Variants in ARIH1 observed in about 807,000 individuals in gnomAD.
The protein encoded by ARIH1 is ariadne RBR E3 ubiquitin protein ligase 1.
A neutral mutation model predicts 85.0 loss-of-function variants in ARIH1; 8 were observed. The observed-to-expected ratio is 0.09, with a 90% confidence interval of 0.06 to 0.17. The LOEUF is 0.17. ARIH1 is among the 10% of genes least tolerant of loss of function. The probability of loss-of-function intolerance (pLI) is 1.00; values close to 1 mark genes in which losing one functional copy is unlikely to be tolerated. For synonymous variants in ARIH1, 238 were observed against 253.6 expected (o/e 0.94, Z 0.59); for missense variants, 311 against 718.1 (o/e 0.43, Z 6.48).
chr15:72,480,381 CCT>C (rs773841026), intron 1 of ARIH1, among the ~76,000 whole-genome samples: 1 of 151,756 alleles, frequency 6.6e-6, no homozygotes, highest in South Asian at 2.1e-4. Flanking sequence ...CCTGCTTCAG[CCT>C]CTCAAGTAAC....
At chr15:72,486,694 C>CTT (rs34770375) in intron 1 of ARIH1, among the ~76,000 whole-genome samples, 4,866 of 92,848 alleles carry the variant, frequency 0.052, 665 homozygotes, top group Non-Finnish European at 0.071. Context: ...TTAAAAATGA[C>CTT]TTTTTTTTTT....
In ARIH1 at chr15:72,590,983, GGAGGCT is replaced by G. The variant is rs1567365009; in HGVS notation, c.*7697_*7702del. 1 of 152,130 alleles carries G rather than the reference GGAGGCT, an allele frequency of 6.6e-6. No homozygotes were observed. Among genetic ancestry groups the G allele is most frequent in the Non-Finnish European group, 1.5e-5 (1 of 68,074 alleles). The allele number at this position is 152,130 out of a possible 1,614,324, so 9.4% of individuals were successfully genotyped here. A position where few individuals can be genotyped will look rare whatever the true frequency, so the allele number is the denominator to read the frequency against. On this transcript the variant is annotated 3_prime_UTR_variant, in exon 14 of 14. Coordinates refer to ENST00000379887, the MANE Select transcript of ARIH1 (RefSeq NM_005744.5). ...TACACCTTGTAATCCCAGCACTTTA[GGAGGCT>G]GAGGCAGGTGGATCACGAGGTCGGG...
At chr15:72,521,854 T>C (rs1264113222) in intron 2 of ARIH1, among the ~76,000 whole-genome samples, 2 of 152,156 alleles carry the variant, frequency 1.3e-5, no homozygotes, top group Non-Finnish European at 2.9e-5. Context: ...CAGCATGTCT[T>C]CTAACTTTCT....
At chr15:72,531,711 A>G (rs554468691) in intron 2 of ARIH1, among the ~76,000 whole-genome samples, 1 of 152,376 alleles carries the variant, frequency 6.6e-6, no homozygotes, top group East Asian at 1.9e-4. Flanking sequence ...CTCAACAGCA[A>G]CAGTGAAAGT....
intron 1 of ARIH1, among the ~76,000 whole-genome samples, chr15:72,503,949 CGTCT>C (rs1379270475): frequency 6.6e-6 from 1 of 152,230 alleles, no homozygotes; most frequent in African/African-American, 2.4e-5. Flanking sequence ...TTAGCTCCAC[CGTCT>C]GTGGACAGCG....
At chr15:72,524,929 G>C (rs1353508634) in intron 2 of ARIH1, among the ~76,000 whole-genome samples, 1 of 152,132 alleles carries the variant, frequency 6.6e-6, no homozygotes, top group Non-Finnish European at 1.5e-5. Flanking sequence ...CTGTCACCCA[G>C]GCTGGAGTGC....
chr15:72,587,262 G>C lies in ARIH1; in HGVS notation c.*3970G>C, dbSNP rs900622609. 1.9e-6 allele frequency: 1 copy of C among 528,726 alleles called. No homozygotes were observed. Among genetic ancestry groups the C allele is most frequent in the Admixed American group, 2.0e-5 (1 of 51,174 alleles). The allele number at this position is 528,726 out of a possible 1,614,324, so 32.8% of individuals were successfully genotyped here. ...CTTTGTATCATATTTTGTTATTCTGGTCACAGAATGACCTAGTATTCTGTA... is the reference window on the plus strand; with the variant it reads ...CTTTGTATCATATTTTGTTATTCTGCTCACAGAATGACCTAGTATTCTGTA... On this transcript the variant is annotated 3_prime_UTR_variant, in exon 14 of 14. Transcript: ENST00000379887.
chr15:72,553,198 TTAAAA>T (rs1318187405), intron 3 of ARIH1, among the ~76,000 whole-genome samples: 1 of 152,190 alleles, frequency 6.6e-6, no homozygotes, highest in Admixed American at 6.5e-5. Context: ...AAAATGTTCT[TTAAAA>T]TAAGGTAACC....
At chr15:72,551,036 A>G (rs1328960992) in intron 3 of ARIH1, among the ~76,000 whole-genome samples, 2 of 152,198 alleles carry the variant, frequency 1.3e-5, no homozygotes, top group South Asian at 4.1e-4. Flanking sequence ...TGTGCTGTAT[A>G]TAGAATTTCT....
intron 1 of ARIH1, among the ~76,000 whole-genome samples, chr15:72,504,263 C>T (rs1025399472): frequency 6.6e-6 from 1 of 152,066 alleles, no homozygotes; most frequent in Admixed American, 6.5e-5. Flanking sequence ...CCATGTTGGC[C>T]AGGCTGGACT....
In ARIH1 at chr15:72,544,805, G is replaced by C. The variant is rs780665447; in HGVS notation, c.444-15G>C. The C allele has an allele frequency of 6.2e-7, 1 of 1,605,048 alleles. No homozygotes were observed. Among genetic ancestry groups the C allele is most frequent in the South Asian group, 1.1e-5 (1 of 90,116 alleles). Reference sequence around the variant, plus strand: ...AAGTTGCTGGGCTCTTATCCTTTCTGTTTAAATAATGCAGGTACTTTGATG... The same window carrying C: ...AAGTTGCTGGGCTCTTATCCTTTCTCTTTAAATAATGCAGGTACTTTGATG... On this transcript the variant is annotated splice_polypyrimidine_tract_variant and intron_variant, in intron 2 of 13. Transcript: ENST00000379887.
At chr15:72,575,836 A>G (rs1357503590) in intron 11 of ARIH1, among the ~76,000 whole-genome samples, 1 of 152,160 alleles carries the variant, frequency 6.6e-6, no homozygotes, top group African/African-American at 2.4e-5. Context: ...TTTGATACTT[A>G]CCTGACTCTT....
chr15:72,574,658 G>A (rs3883867), intron 11 of ARIH1, among the ~76,000 whole-genome samples: 133,148 of 152,236 alleles, frequency 0.87, 60,961 homozygotes, highest in East Asian at 1. Context: ...ATCAGATGGT[G>A]TATATTTTTA....
chr15:72,505,662 G>A (rs1205491807), intron 1 of ARIH1, among the ~76,000 whole-genome samples: 1 of 152,130 alleles, frequency 6.6e-6, no homozygotes, highest in African/African-American at 2.4e-5. Flanking sequence ...ACTACCCTCA[G>A]AAAAGGTTTG....
At chr15:72,563,078 G>A (rs1188085407) in intron 6 of ARIH1, among the ~76,000 whole-genome samples, 1 of 152,070 alleles carries the variant, frequency 6.6e-6, no homozygotes, top group African/African-American at 2.4e-5. Flanking sequence ...TTGAGGCAGG[G>A]CCTCATTCTA....
chr15:72,486,559 C>T (rs987134187), intron 1 of ARIH1, among the ~76,000 whole-genome samples: 5 of 151,818 alleles, frequency 3.3e-5, no homozygotes, highest in Non-Finnish European at 5.9e-5. Flanking sequence ...AGTTGATGCC[C>T]AGTTAGTGTT....
intron 2 of ARIH1, among the ~76,000 whole-genome samples, chr15:72,529,202 A>C (rs2064044445): frequency 6.6e-6 from 1 of 152,184 alleles, no homozygotes; most frequent in African/African-American, 2.4e-5. Context: ...CCGTCTCAAA[A>C]AAAAAAAGCA....
In ARIH1 at chr15:72,591,246, AG is replaced by A. The variant is rs2064342202; in HGVS notation, c.*7955del. The A allele has an allele frequency of 1.3e-5, 2 of 150,980 alleles. No homozygotes were observed. Among genetic ancestry groups the A allele is most frequent in the Non-Finnish European group, 2.9e-5 (2 of 67,868 alleles). The allele number at this position is 150,980 out of a possible 1,614,324, so 9.4% of individuals were successfully genotyped here. ...AAAAAAAAAAAAAAAAAAAAAAAGA[AG>A]AAGAAGAAGAAATACAAAACCAACT... On this transcript the variant is annotated 3_prime_UTR_variant, in exon 14 of 14. Coordinates refer to ENST00000379887, the MANE Select transcript of ARIH1 (RefSeq NM_005744.5).
At chr15:72,544,774 G>C (rs770948239) in intron 2 of ARIH1, 46 bp from the exon 3 acceptor site, 41 of 1,556,326 alleles carry the variant, frequency 2.6e-5, no homozygotes, top group Non-Finnish European at 3.6e-5. Context: ...AGCTCTAACA[G>C]TGTGCAAGTT....
Sources: gnomAD v4.1 joint callset for allele counts (sites outside exome capture counted in the v4.1 genomes callset) on GRCh38, gnomAD v4.1.1 for gene constraint, MANE v1.5 for transcripts, NCBI Gene and HGNC (gene_info 2026-07-23, HGNC 2026-07-21) for gene names.